Variants in CELF2 observed in about 807,000 individuals in gnomAD.
CELF2 encodes the protein CUGBP Elav-like family member 2.
In CELF2, 8 loss-of-function variants were observed where a neutral mutation model predicts 62.6. That is an observed-to-expected ratio of 0.13 (90% CI 0.07 to 0.23). The LOEUF (loss-of-function observed/expected upper bound fraction) is 0.23, where lower values mean the gene tolerates loss of function less well. CELF2 is among the 10% of genes least tolerant of loss of function. The pLI, the probability that CELF2 is intolerant of heterozygous loss-of-function variation, is 1.00. For synonymous variants in CELF2, 258 were observed against 250.0 expected, an observed-to-expected ratio of 1.03 and a Z score of -0.30; for missense variants, 333 against 671.0, an observed-to-expected ratio of 0.50 and a Z score of 5.56.
chr10:11,325,909 C>T lies in CELF2; in HGVS notation c.1368C>T (p.Phe456=), dbSNP rs2132555814. 3 of 1,614,102 alleles carry T rather than the reference C, an allele frequency of 1.9e-6. No homozygotes were observed. The highest frequency in any genetic ancestry group is 2.2e-5 in the East Asian group (1 of 44,892). Residue 456 remains phenylalanine (F), a synonymous_variant, in exon 12 of 13, where the codon TTC becomes TTT. Transcript: ENST00000633077. ...EFGDQDILQM[F]MPFGNVISAK... is the part of the protein sequence containing the mutation. ...GAGACCAGGACATTCTGCAGATGTT[C>T]ATGCCTTTTGGAAATGTTATCTCTG...
rs1450652150 is a variant in CELF2 at position 10,983,742 on chromosome 10, A to G, written c.89+63743A>G. Among the ~76,000 whole-genome samples, 1 of 151,882 alleles carries G rather than the reference A, an allele frequency of 6.6e-6. No individual in the cohort carries two copies. ...GCCACCACGCCTGGCTAATTTTTGTATTTTTAGTAAAAACAGGATTTCACC... is the reference window on the plus strand; with the variant it reads ...GCCACCACGCCTGGCTAATTTTTGTGTTTTTAGTAAAAACAGGATTTCACC... On this transcript the variant is annotated intron_variant, in intron 2 of 13. Coordinates refer to the CELF2 transcript ENST00000636488. The surrounding 1 kb of genome is among the most constrained non-coding windows in gnomAD (Gnocchi z 5.2).
rs532680056 is a variant in CELF2 at position 11,244,785 on chromosome 10, T to C, written c.355-4368T>C. ...CTCTTATTCTGTGCCTCCAAATAAA[T>C]TGTTCTTTTCCCTGAAATGTCCTTT... On this transcript the variant is annotated intron_variant, in intron 3 of 12. Coordinates refer to ENST00000633077, the MANE Select transcript of CELF2 (RefSeq NM_001326342.2). This position sits in a 1 kb window ranked among gnomAD's most constrained non-coding sequence, Gnocchi z 4.2. Among the ~76,000 whole-genome samples the C allele has an allele frequency of 7.9e-5, 12 of 152,312 alleles. No homozygotes were observed. Among genetic ancestry groups the C allele is most frequent in the African/African-American group, 2.4e-4 (10 of 41,574 alleles).
chr10:10,504,024 A>G, the CELF2 span, among the ~76,000 whole-genome samples: 2 of 152,056 alleles, frequency 1.3e-5, no homozygotes, highest in Non-Finnish European at 2.9e-5. Context: ...ATGTCCTCTT[A>G]CAACACCCCT....
chr10:11,083,702 G>T (rs1226081297), intron 1 of CELF2, among the ~76,000 whole-genome samples: 1 of 152,178 alleles, frequency 6.6e-6, no homozygotes, highest in African/African-American at 2.4e-5. Context: ...TGAGAGCAAG[G>T]ACTTGGGAGT....
At chr10:10,756,264 C>T in the CELF2 span, among the ~76,000 whole-genome samples, 4 of 152,110 alleles carry the variant, frequency 2.6e-5, no homozygotes, top group African/African-American at 9.7e-5. Context: ...TACAGCAGAC[C>T]TTTCAAAAGT....
At chr10:10,576,862 G>T in the CELF2 span, among the ~76,000 whole-genome samples, 2 of 152,112 alleles carry the variant, frequency 1.3e-5, no homozygotes, top group Non-Finnish European at 2.9e-5. Flanking sequence ...TAATTGTGTT[G>T]TACTGGAAAT....
chr10:10,561,309 G>T, the CELF2 span, among the ~76,000 whole-genome samples: 2 of 152,138 alleles, frequency 1.3e-5, no homozygotes, highest in Non-Finnish European at 2.9e-5. Flanking sequence ...TAGTGGATAT[G>T]ACTGCTGAGC....
intron 1 of CELF2, among the ~76,000 whole-genome samples, chr10:11,042,827 A>C (rs530221812): frequency 6.6e-6 from 1 of 152,022 alleles, no homozygotes; most frequent in South Asian, 2.1e-4. Flanking sequence ...TGTTTAACTT[A>C]TGATGTTTTT....
the CELF2 span, among the ~76,000 whole-genome samples, chr10:10,704,230 A>G: frequency 6.6e-6 from 1 of 152,332 alleles, no homozygotes; most frequent in East Asian, 1.9e-4. Context: ...GGGAAGTTTT[A>G]TCATAGACTG....
At chr10:10,693,491 G>A in the CELF2 span, among the ~76,000 whole-genome samples, 1 of 151,808 alleles carries the variant, frequency 6.6e-6, no homozygotes, top group Admixed American at 6.6e-5. Context: ...CTGTGTCTCT[G>A]CCCGGCTTTG....
the CELF2 span, among the ~76,000 whole-genome samples, chr10:10,663,482 A>G: frequency 6.6e-6 from 1 of 152,208 alleles, no homozygotes; most frequent in African/African-American, 2.4e-5. Context: ...TTTGGCTATA[A>G]AAGCTATTCA....
intron 2 of CELF2, among the ~76,000 whole-genome samples, chr10:10,974,539 C>T (rs2051116538): frequency 6.6e-6 from 1 of 152,154 alleles, no homozygotes; most frequent in Non-Finnish European, 1.5e-5. Context: ...TGATCAAACT[C>T]AAGGAGATGA....
rs1196729528 is a variant in CELF2, at chr10:11,331,819, T to TA, written c.*2768dup. 1.3e-5 allele frequency: 2 copies of TA among 152,640 alleles called. No individual in the cohort carries two copies. Among genetic ancestry groups the TA allele is most frequent in the Non-Finnish European group, 2.9e-5 (2 of 68,034 alleles). 9.5% of individuals were successfully genotyped at this position (152,640 alleles called of 1,614,324 possible). A position where few individuals can be genotyped will look rare whatever the true frequency, so the allele number is the denominator to read the frequency against. Reference sequence around the variant, plus strand: ...TTTCTTCATAATCTATGGAAACCTCTAAGGTGAGAAAGTTTTGAACTTTTA... The same window carrying TA: ...TTTCTTCATAATCTATGGAAACCTCTAAAGGTGAGAAAGTTTTGAACTTTTA... On this transcript the variant is annotated 3_prime_UTR_variant, in exon 13 of 13. Coordinates refer to ENST00000633077, the MANE Select transcript of CELF2 (RefSeq NM_001326342.2).
At chr10:11,188,426 A>G (rs77458533) in intron 2 of CELF2, among the ~76,000 whole-genome samples, 2 of 152,130 alleles carry the variant, frequency 1.3e-5, no homozygotes, top group Admixed American at 6.5e-5. Context: ...TTTACTGGCT[A>G]TAGATTTCTA....
the CELF2 span, among the ~76,000 whole-genome samples, chr10:10,704,364 G>A: frequency 6.6e-6 from 1 of 152,022 alleles, no homozygotes; most frequent in Admixed American, 6.6e-5. Context: ...GCACAATGGG[G>A]CTCTCTGTCA....
the CELF2 span, among the ~76,000 whole-genome samples, chr10:10,721,770 CT>C: frequency 6.6e-6 from 1 of 152,128 alleles, no homozygotes; most frequent in Non-Finnish European, 1.5e-5. Flanking sequence ...CATTGGGGGT[CT>C]ATAGAACAGC....
the CELF2 span, among the ~76,000 whole-genome samples, chr10:10,588,054 A>G: frequency 6.6e-6 from 1 of 152,046 alleles, no homozygotes; most frequent in South Asian, 2.1e-4. Context: ...GCTGTCTTGA[A>G]GATGAAGGCA....
the CELF2 span, among the ~76,000 whole-genome samples, chr10:10,769,968 G>T: frequency 6.6e-6 from 1 of 152,002 alleles, no homozygotes; most frequent in African/African-American, 2.4e-5. Flanking sequence ...GGATGATGAA[G>T]GTCTGAACAA....
the CELF2 span, among the ~76,000 whole-genome samples, chr10:10,596,256 TAA>T: frequency 9.7e-3 from 1,419 of 146,730 alleles, 20 homozygotes; most frequent in South Asian, 0.054. Context: ...CTTCTACCTG[TAA>T]AAAAAAAAAA....
Sources: gnomAD v4.1 joint callset for allele counts (sites outside exome capture counted in the v4.1 genomes callset) on GRCh38, gnomAD v4.1.1 for gene constraint, Gnocchi (gnomAD v3.1) non-coding constraint, MANE v1.5 for transcripts, NCBI Gene and HGNC (gene_info 2026-07-23, HGNC 2026-07-21) for gene names.